CPEB1: variants seen among roughly 807,000 people sequenced by gnomAD.
CPEB1 encodes the protein cytoplasmic polyadenylation element-binding protein 1.
CPEB1 carries 7 observed loss-of-function variants against 65.8 expected under a neutral mutation model. The ratio of observed to expected loss-of-function variants is 0.11; its 90% confidence interval spans 0.06 to 0.20. CPEB1 has a LOEUF of 0.20. CPEB1 is among the 10% of genes least tolerant of loss of function. The pLI is 1.00. For synonymous variants in CPEB1, 262 were observed against 260.0 expected, an observed-to-expected ratio of 1.01 and a Z score of -0.08; for missense variants, 551 against 712.2, an observed-to-expected ratio of 0.77 and a Z score of 2.58.
chr15:82,600,375 A>G (rs1431641134), intron 3 of CPEB1, among the ~76,000 whole-genome samples: 1 of 152,244 alleles, frequency 6.6e-6, no homozygotes, highest in Non-Finnish European at 1.5e-5. Flanking sequence ...CAGACTCACA[A>G]TAAAAATATT....
upstream of CPEB1, chr15:82,647,781 C>T (rs1334176354): frequency 2.5e-6 from 3 of 1,221,086 alleles, no homozygotes; most frequent in Non-Finnish European, 3.1e-6. Flanking sequence ...CGGCGCCGGA[C>T]CCGGCTGCGC....
chr15:82,560,475 A>C (rs1268602379), intron 4 of CPEB1, among the ~76,000 whole-genome samples: 1 of 151,178 alleles, frequency 6.6e-6, no homozygotes, highest in East Asian at 1.9e-4. Flanking sequence ...TTCAACCTCA[A>C]TCTTCCTGGG....
intron 6 of CPEB1, among the ~76,000 whole-genome samples, 195 bp from the exon 7 acceptor site, chr15:82,554,186 C>A (rs2036786119): frequency 6.6e-6 from 1 of 152,196 alleles, no homozygotes; most frequent in Non-Finnish European, 1.5e-5. Context: ...GTATGATAAT[C>A]CTACTTTGCT....
At chr15:82,569,509 G>A (rs756624518) in intron 4 of CPEB1, among the ~76,000 whole-genome samples, 1 of 152,236 alleles carries the variant, frequency 6.6e-6, no homozygotes, top group Admixed American at 6.5e-5. Flanking sequence ...GCTTGGGATG[G>A]AAAGTGGAAA....
At chr15:82,631,801 T>C (rs1043123038) in intron 1 of CPEB1, among the ~76,000 whole-genome samples, 2 of 151,934 alleles carry the variant, frequency 1.3e-5, no homozygotes, top group Non-Finnish European at 2.9e-5. Context: ...ATGATTCAAA[T>C]AGACCTAAGG....
In CPEB1 at chr15:82,582,211, C is replaced by A. The variant is rs150487520; in HGVS notation, c.272-10679G>T. Among the ~76,000 whole-genome samples, 952 of 152,322 alleles carry A rather than the reference C, an allele frequency of 6.2e-3. 7 individuals are homozygous for A. Among genetic ancestry groups the A allele is most frequent in the Middle Eastern group, 0.014 (4 of 294 alleles). ...TATTCTATGAGCTTTGTATCAACAGCGTTCCAACATACCCCACATTTTACT... is the reference window on the plus strand; with the variant it reads ...TATTCTATGAGCTTTGTATCAACAGAGTTCCAACATACCCCACATTTTACT... On this transcript the variant is annotated intron_variant, in intron 3 of 12. Coordinates refer to ENST00000684509, the MANE Select transcript of CPEB1 (RefSeq NM_001365242.1).
intron 3 of CPEB1, among the ~76,000 whole-genome samples, chr15:82,582,306 C>A (rs2041354715): frequency 6.6e-6 from 1 of 152,148 alleles, no homozygotes; most frequent in African/African-American, 2.4e-5. Flanking sequence ...GGCCCTTTAG[C>A]AAGGATAGAC....
At chr15:82,626,044 C>CA (rs1213409653) in intron 3 of CPEB1, among the ~76,000 whole-genome samples, 1 of 149,438 alleles carries the variant, frequency 6.7e-6, no homozygotes, top group East Asian at 2.0e-4. Context: ...TGCTTGAACC[C>CA]AGGAGGCAGA....
At chr15:82,643,989 A>G (rs587757297) in intron 1 of CPEB1, among the ~76,000 whole-genome samples, 4 of 152,328 alleles carry the variant, frequency 2.6e-5, no homozygotes, top group Admixed American at 2.6e-4. Context: ...AGAAAAAGTT[A>G]GTACTGAAAT....
chr15:82,592,599 A>T (rs1157263748), intron 3 of CPEB1, among the ~76,000 whole-genome samples: 1 of 151,156 alleles, frequency 6.6e-6, no homozygotes, highest in East Asian at 1.9e-4. Flanking sequence ...AAAAAAGTTA[A>T]TTTTTGTATT....
intron 3 of CPEB1, among the ~76,000 whole-genome samples, chr15:82,621,143 C>A (rs1315633340): frequency 6.6e-6 from 1 of 152,190 alleles, no homozygotes; most frequent in Non-Finnish European, 1.5e-5. Context: ...GCTTTTCAGA[C>A]AATTTAGTGA....
intron 3 of CPEB1, among the ~76,000 whole-genome samples, chr15:82,605,633 A>G (rs905406853): frequency 3.3e-5 from 5 of 152,240 alleles, no homozygotes; most frequent in African/African-American, 4.8e-5. Context: ...TCAGAACATC[A>G]CACTGTACAC....
At chr15:82,592,268 C>A (rs2042319131) in intron 3 of CPEB1, among the ~76,000 whole-genome samples, 1 of 152,166 alleles carries the variant, frequency 6.6e-6, no homozygotes, top group Non-Finnish European at 1.5e-5. Context: ...AGAGTCACAA[C>A]CTTTTTGGTT....
At chr15:82,613,361 A>G (rs961316885) in intron 3 of CPEB1, among the ~76,000 whole-genome samples, 5 of 152,042 alleles carry the variant, frequency 3.3e-5, no homozygotes, top group African/African-American at 4.8e-5. Context: ...TCATGATTTT[A>G]TGTTTGTTTT....
At chr15:82,596,814 G>C (rs2151173059) in intron 3 of CPEB1, among the ~76,000 whole-genome samples, 1 of 151,458 alleles carries the variant, frequency 6.6e-6, no homozygotes, top group African/African-American at 2.4e-5. Context: ...AAGTAGTTTT[G>C]ATACATCCTC....
At chr15:82,639,849 A>T (rs1001989745) in intron 1 of CPEB1, among the ~76,000 whole-genome samples, 190 of 145,954 alleles carry the variant, frequency 1.3e-3, no homozygotes, top group African/African-American at 4.5e-3. Flanking sequence ...ACGCGCAAAC[A>T]CTCTCTCTCT....
chr15:82,640,905 A>G (rs7182364), intron 1 of CPEB1: 62,314 of 145,144 alleles, frequency 0.43, 12,980 homozygotes, highest in African/African-American at 0.51. Flanking sequence ...TCAGATAAGG[A>G]AAAAAAAAAA....
chr15:82,583,509 T>G (rs1227655816), intron 3 of CPEB1: 12 of 152,218 alleles, frequency 7.9e-5, no homozygotes. Context: ...GGCAGGGTAT[T>G]TCCATATAGA....
At chr15:82,552,661 G>A (rs748145493) in intron 8 of CPEB1, 45 bp from the exon 9 acceptor site, 1 of 1,604,680 alleles carries the variant, frequency 6.2e-7, no homozygotes, top group Non-Finnish European at 8.5e-7. Flanking sequence ...CCCTTAGGTG[G>A]CCACTCCTCA....
Sources: allele counts gnomAD v4.1 joint callset (sites outside exome capture counted in the v4.1 genomes callset), GRCh38; gene constraint gnomAD v4.1.1; transcripts MANE v1.5; gene names NCBI Gene and HGNC (gene_info 2026-07-23, HGNC 2026-07-21).